Variants in AKAP1 observed in about 807,000 individuals in gnomAD.
AKAP1 encodes the protein A-kinase anchoring protein 1, also known as A-kinase anchor protein 1, mitochondrial.
AKAP1 carries 32 observed loss-of-function variants against 79.8 expected under a neutral mutation model. The observed-to-expected ratio is 0.40, with a 90% CI of 0.30 to 0.54. The LOEUF (loss-of-function observed/expected upper bound fraction) is 0.54, where lower values mean the gene tolerates loss of function less well. Ranked by LOEUF, AKAP1 falls within the 20% of genes least tolerant of loss-of-function variation. The pLI is 0.47. For synonymous variants in AKAP1, 416 were observed against 466.7 expected (o/e 0.89, Z 1.40); for missense variants, 961 against 1,138.9 (o/e 0.84, Z 2.25).
chr17:57,114,656 G>A lies in AKAP1; in HGVS notation c.2281+20G>A, dbSNP rs988663354. On this transcript the variant is annotated intron_variant, in intron 6 of 10. Coordinates refer to ENST00000337714, the MANE Select transcript of AKAP1 (RefSeq NM_003488.4). ...TGGAAAGTAAGCAGTGCCCTGAGGG[G>A]TCGGGAAGGGGGACCCCTGGGGTTG... 7 of 1,604,290 alleles carry A rather than the reference G, an allele frequency of 4.4e-6. No homozygotes were observed. The African/African-American group carries it at 8.0e-5, about 18-fold the overall frequency.
rs757392569 is a variant in AKAP1, at chr17:57,107,072, G to A, written c.1608G>A (p.Leu536=). ...GGGACAAGGCCATCACCCCGCCACT[G>A]CCAGAAAGTACTGTGCCCTTCAGCA... ...SPRDKAITPP[L]PESTVPFSNG... The change falls in exon 2 of 11, where the codon CTG becomes CTA. Residue 536 remains leucine, a synonymous_variant. Coordinates refer to ENST00000337714, the MANE Select transcript of AKAP1 (RefSeq NM_003488.4). 2.2e-5 allele frequency: 36 copies of A among 1,614,082 alleles called. No homozygotes were observed. Among genetic ancestry groups the A allele is most frequent in the Non-Finnish European group, 3.0e-5 (35 of 1,180,052 alleles).
Position 57,086,767 on chromosome 17 carries a change from G to A in AKAP1, c.-25+1369G>A, listed in dbSNP as rs891634532. Among the ~76,000 whole-genome samples, 1 of 150,850 alleles carries A rather than the reference G, an allele frequency of 6.6e-6. No homozygotes were observed. Among genetic ancestry groups the A allele is most frequent in the Non-Finnish European group, 1.5e-5 (1 of 67,858 alleles). ...GCAACTAGTAGCCTTACAAGCTCTT[G>A]TAACTGCTAAGTCCTTCCCAAATTA... On this transcript the variant is annotated intron_variant, in intron 1 of 10. Coordinates refer to ENST00000337714, the MANE Select transcript of AKAP1 (RefSeq NM_003488.4). The surrounding 1 kb of genome is among the most constrained non-coding windows in gnomAD (Gnocchi z 5.1).
rs1287459715 is a variant in AKAP1 at position 57,120,358 on chromosome 17, A to G, written c.*34A>G. The G allele has an allele frequency of 1.3e-6, 2 of 1,592,038 alleles. No individual in the cohort carries two copies. The highest frequency in any genetic ancestry group is 1.1e-5 in the South Asian group (1 of 89,080). The stretch of plus-strand genomic sequence containing the variant: ...CTGCTTCCTGAGAGTCTTTTTTTGC[A>G]CTGTTGAAATTGGGCTTGGCACTCA... On this transcript the variant is annotated 3_prime_UTR_variant, in exon 11 of 11. Transcript: ENST00000337714.
intron 1 of AKAP1, among the ~76,000 whole-genome samples, chr17:57,103,510 G>T (rs1914656446): frequency 6.6e-6 from 1 of 152,198 alleles, no homozygotes; most frequent in African/African-American, 2.4e-5. Context: ...CCCAGCCTTG[G>T]CTGGAAAGTA....
rs769212321 is a variant in AKAP1 at position 57,119,060 on chromosome 17, C to T, written c.2637+16C>T. ...TGGAGATGAAGTAAGTTCTGCCCTT[C>T]TTTTCCTTCTGTGTTGCTGGCCCGA... On this transcript the variant is annotated intron_variant, in intron 10 of 10. Transcript: ENST00000337714. The T allele has an allele frequency of 6.2e-7, 1 of 1,612,582 alleles. No individual in the cohort carries two copies. Among genetic ancestry groups the T allele is most frequent in the Non-Finnish European group, 8.5e-7 (1 of 1,178,698 alleles).
chr17:57,107,502 AATT>A (rs1183192819), intron 2 of AKAP1, among the ~76,000 whole-genome samples: 1 of 151,976 alleles, frequency 6.6e-6, no homozygotes, highest in Non-Finnish European at 1.5e-5. Flanking sequence ...TGTTTAAAAA[AATT>A]ATTATTATTT....
chr17:57,100,431 A>ACACACACACACACACG (rs1257674365), intron 1 of AKAP1, among the ~76,000 whole-genome samples: 1 of 148,448 alleles, frequency 6.7e-6, no homozygotes, highest in African/African-American at 2.5e-5. Flanking sequence ...CTGCTAAAAC[A>ACACACACACACACACG]CACACACACA....
rs781615228 is a variant in AKAP1, at chr17:57,105,492, C to T, written c.28C>T (p.Pro10Ser). 6 of 1,613,938 alleles carry T rather than the reference C, an allele frequency of 3.7e-6. No individual in the cohort carries two copies. Among genetic ancestry groups the T allele is most frequent in the Non-Finnish European group, 5.1e-6 (6 of 1,179,964 alleles). Reference sequence around the variant, plus strand: ...GGCAATCCAGTTCCGTTCGCTCTTCCCCTTGGCATTGCCTGGGATGCTGGC... The same window carrying T: ...GGCAATCCAGTTCCGTTCGCTCTTCTCCTTGGCATTGCCTGGGATGCTGGC... MAIQFRSLF[P>S]LALPGMLALL... Residue 10 changes from proline to serine, a missense_variant, in exon 2 of 11, where the codon CCC (proline) becomes TCC (serine). Around this residue, in one of 3 missense-constraint regions of AKAP1, gnomAD observed 108 missense variants for 147.6 expected, o/e 0.73. Coordinates refer to ENST00000337714, the MANE Select transcript of AKAP1 (RefSeq NM_003488.4).
At chr17:57,117,414 C>A (rs1256119523) in intron 8 of AKAP1, among the ~76,000 whole-genome samples, 1 of 152,146 alleles carries the variant, frequency 6.6e-6, no homozygotes, top group Admixed American at 6.5e-5. Context: ...GGGAATGGTA[C>A]CTGTCTTTGA....
chr17:57,118,855 T>G (rs1171835859), intron 9 of AKAP1, 127 bp from the exon 10 acceptor site: 1 of 1,019,770 alleles, frequency 9.8e-7, no homozygotes, highest in Non-Finnish European at 1.5e-6. Context: ...CACCGCCTCA[T>G]GATCCAATCA....
intron 2 of AKAP1, among the ~76,000 whole-genome samples, chr17:57,109,137 G>C (rs1915081577): frequency 6.6e-6 from 1 of 152,228 alleles, no homozygotes; most frequent in East Asian, 1.9e-4. Context: ...GAGAAACCAT[G>C]TGGAAGGTAA....
intron 1 of AKAP1, among the ~76,000 whole-genome samples, chr17:57,103,081 A>G (rs748972507): frequency 2.6e-5 from 4 of 152,150 alleles, no homozygotes; most frequent in African/African-American, 4.8e-5. Context: ...AAGGAAAACA[A>G]TCTAGCAAGG....
At position 57,086,402 on chromosome 17, in the gene AKAP1, G is replaced by C; in HGVS notation, c.-25+1004G>C. ...GGATAGGAGAAGAAAGGTGCTGATCGTGGTAGGCGGTGCTGTGGCGACTCG... is the reference window on the plus strand; with the variant it reads ...GGATAGGAGAAGAAAGGTGCTGATCCTGGTAGGCGGTGCTGTGGCGACTCG... On this transcript the variant is annotated intron_variant, in intron 1 of 10. Transcript: ENST00000337714. This position sits in a 1 kb window ranked among gnomAD's most constrained non-coding sequence, Gnocchi z 5.1. 2.2e-6 allele frequency: 1 copy of C among 456,220 alleles called. No homozygotes were observed. Among genetic ancestry groups the C allele is most frequent in the South Asian group, 1.5e-5 (1 of 64,534 alleles). 28.3% of individuals were successfully genotyped at this position (456,220 alleles called of 1,614,324 possible).
rs1219176719 is a variant in AKAP1 at position 57,112,593 on chromosome 17, T to C, written c.2078T>C (p.Leu693Pro). The C allele has an allele frequency of 6.8e-6, 11 of 1,613,808 alleles. No individual in the cohort carries two copies. Among genetic ancestry groups the C allele is most frequent in the Non-Finnish European group, 7.6e-6 (9 of 1,179,900 alleles). Residue 693 changes from leucine to proline, a missense_variant, in exon 5 of 11, where the codon CTG becomes CCG. Physicochemically the swap from Leu to Pro is moderately conservative, Grantham distance 98. Around this residue, in one of 3 missense-constraint regions of AKAP1, gnomAD observed 629 missense variants for 781.1 expected, o/e 0.81. Transcript: ENST00000337714. ...GCTCCCCCATTGCCTTCACTGGCAC[T>C]GCCTTCTCTGCCGATGACATCCTGG... ...IYAPPLPSLA[L>P]PSLPMTSWLM...
intron 4 of AKAP1, 60 bp from the exon 5 acceptor site, chr17:57,112,431 A>T: frequency 6.3e-7 from 1 of 1,575,676 alleles, no homozygotes; most frequent in Non-Finnish European, 8.6e-7. Context: ...TGTTTTTGTG[A>T]GTGTGGGTGT....
chr17:57,107,903 T>C (rs1914994579), intron 2 of AKAP1: 3 of 1,244,874 alleles, frequency 2.4e-6, no homozygotes, highest in Non-Finnish European at 3.2e-6. Context: ...GAGTTGTCGC[T>C]GTCACCTTTG....
intron 1 of AKAP1, chr17:57,096,178 T>C (rs1358362940): frequency 6.6e-6 from 1 of 152,246 alleles, no homozygotes; most frequent in Non-Finnish European, 1.5e-5. Context: ...GTTTAACTTT[T>C]AGTTGGGCTG....
At chr17:57,116,760 A>G in intron 7 of AKAP1, 100 bp from the exon 8 acceptor site, 1 of 1,158,680 alleles carries the variant, frequency 8.6e-7, no homozygotes, top group African/African-American at 1.5e-5. Context: ...GCTTTGCTGC[A>G]TCCCAGGTTA....
chr17:57,100,140 C>T (rs1360015509), intron 1 of AKAP1, among the ~76,000 whole-genome samples: 3 of 152,182 alleles, frequency 2.0e-5, no homozygotes, highest in Non-Finnish European at 4.4e-5. Flanking sequence ...ATAAGGAGAA[C>T]TAGCCCCCGG....
Sources: gnomAD v4.1 joint callset for allele counts (sites outside exome capture counted in the v4.1 genomes callset) on GRCh38, gnomAD v4.1.1 for gene constraint, gnomAD v4.1.1 regional missense constraint, Gnocchi (gnomAD v3.1) non-coding constraint, MANE v1.5 for transcripts, NCBI Gene and HGNC (gene_info 2026-07-23, HGNC 2026-07-21) for gene names.